The following FANCC variants were observed in gnomAD, a reference collection of about 807,000 sequenced individuals.
FANCC encodes Fanconi anemia group C protein.
In FANCC, 55 loss-of-function variants were observed where a neutral mutation model predicts 71.3. The observed-to-expected ratio is 0.77, with a 90% CI of 0.62 to 0.97. FANCC has a LOEUF of 0.97. FANCC is among the 50% of genes least tolerant of loss of function. The pLI, the probability that FANCC is intolerant of heterozygous loss-of-function variation, is 0.00. For missense variants in FANCC, 678 were observed against 670.9 expected (o/e 1.01, Z -0.12); for synonymous variants, 275 against 244.9 (o/e 1.12, Z -1.15).
At chr9:95,133,319 G>A (rs1157659392) in intron 8 of FANCC, among the ~76,000 whole-genome samples, 2 of 152,200 alleles carry the variant, frequency 1.3e-5, no homozygotes, top group African/African-American at 2.4e-5. Flanking sequence ...GCACAGAGAG[G>A]TCACATCCTG....
At chr9:95,292,965 C>T (rs1834145001) in intron 1 of FANCC, 3 of 1,577,928 alleles carry the variant, frequency 1.9e-6, no homozygotes, top group Admixed American at 1.7e-5. Flanking sequence ...TCACATCTAC[C>T]GAACTGGCCA....
intron 1 of FANCC, among the ~76,000 whole-genome samples, chr9:95,278,199 TGA>T (rs1448981446): frequency 6.6e-6 from 1 of 152,120 alleles, no homozygotes; most frequent in African/African-American, 2.4e-5. Context: ...TTCATAACAT[TGA>T]GAGGTAATAT....
intron 6 of FANCC, among the ~76,000 whole-genome samples, chr9:95,153,591 T>G (rs1411594285): frequency 6.6e-6 from 1 of 152,230 alleles, no homozygotes; most frequent in African/African-American, 2.4e-5. Context: ...ATGTTGAGCA[T>G]TTTTTCATAT....
intron 4 of FANCC, among the ~76,000 whole-genome samples, chr9:95,236,555 C>T (rs192309571): frequency 6.6e-6 from 1 of 152,300 alleles, no homozygotes. Flanking sequence ...CACATGCTAA[C>T]ATGTCAAGTG....
chr9:95,124,004 T>C (rs1412444714), intron 10 of FANCC: 1 of 327,780 alleles, frequency 3.1e-6, no homozygotes, highest in African/African-American at 2.3e-5. Context: ...ACGCAGGGGC[T>C]GAAGTGTGAG....
At chr9:95,205,122 T>C (rs1335894497) in intron 4 of FANCC, among the ~76,000 whole-genome samples, 2 of 152,260 alleles carry the variant, frequency 1.3e-5, no homozygotes, top group Non-Finnish European at 1.5e-5. Flanking sequence ...ACAGGTATGA[T>C]TGTAAAAGGA....
intron 4 of FANCC, among the ~76,000 whole-genome samples, chr9:95,202,537 A>C (rs1827868313): frequency 6.6e-6 from 1 of 152,250 alleles, no homozygotes. Flanking sequence ...CCTTGCCATA[A>C]ATTGCCAACA....
intron 4 of FANCC, among the ~76,000 whole-genome samples, chr9:95,233,600 A>T (rs1830134473): frequency 6.6e-6 from 1 of 152,184 alleles, no homozygotes; most frequent in South Asian, 2.1e-4. Flanking sequence ...AAGATCAGGG[A>T]GTGGCCTTCA....
chr9:95,299,776 G>T (rs1834609075), intron 1 of FANCC, among the ~76,000 whole-genome samples: 1 of 152,152 alleles, frequency 6.6e-6, no homozygotes, highest in Admixed American at 6.5e-5. Flanking sequence ...TGGGAGAATT[G>T]TTTAAGCCTG....
chr9:95,243,977 T>C (rs1830786232), intron 3 of FANCC, among the ~76,000 whole-genome samples: 1 of 152,188 alleles, frequency 6.6e-6, no homozygotes, highest in African/African-American at 2.4e-5. Context: ...CTGAAATTTA[T>C]GAGCAGTTCA....
chr9:95,302,981 T>A lies in FANCC; in HGVS notation c.-79+14545A>T, dbSNP rs79458924. ...AAGATGTCCACTACAAATTCTAGTA[T>A]TCCTAAGTATGTCTTGAACCTAAAA... is the stretch of plus-strand genomic sequence containing the variant. On this transcript the variant is annotated intron_variant, in intron 1 of 14. Coordinates refer to ENST00000289081, the MANE Select transcript of FANCC (RefSeq NM_000136.3). Among the ~76,000 whole-genome samples, 1,333 of 152,300 alleles carry A rather than the reference T, an allele frequency of 8.8e-3. 23 individuals carry two copies. Among genetic ancestry groups the A allele is most frequent in the African/African-American group, 0.031 (1,268 of 41,550 alleles).
chr9:95,152,682 T>A (rs184633002), intron 6 of FANCC, among the ~76,000 whole-genome samples: 5 of 152,332 alleles, frequency 3.3e-5, no homozygotes, highest in Admixed American at 3.3e-4. Context: ...AGTAGTTTTT[T>A]GTTACATGGA....
intron 11 of FANCC, 143 bp downstream of exon 11, chr9:95,117,172 A>G (rs2072485951): frequency 1.3e-6 from 1 of 756,604 alleles, no homozygotes; most frequent in East Asian, 2.7e-5. Context: ...AGAATGTGGG[A>G]TCCTGGGGGC....
intron 8 of FANCC, chr9:95,127,513 T>G (rs1826180808): frequency 6.6e-6 from 1 of 152,116 alleles, no homozygotes; most frequent in African/African-American, 2.4e-5. Flanking sequence ...TCTGGTTCCG[T>G]GGGAAGCGAA....
chr9:95,136,515 C>G (rs772210064), intron 7 of FANCC, among the ~76,000 whole-genome samples: 1 of 151,908 alleles, frequency 6.6e-6, no homozygotes, highest in African/African-American at 2.4e-5. Context: ...GATGCAAAGT[C>G]GTGCTCTCTC....
intron 1 of FANCC, among the ~76,000 whole-genome samples, chr9:95,253,089 C>T (rs897777603): frequency 6.6e-6 from 1 of 152,152 alleles, no homozygotes; most frequent in Middle Eastern, 3.4e-3. Context: ...AAACAACCTT[C>T]GCTCAGCAAT....
At chr9:95,126,625 C>A (rs765590139) in intron 8 of FANCC, 44 bp from the exon 9 acceptor site, 34 of 1,599,146 alleles carry the variant, frequency 2.1e-5, no homozygotes, top group Non-Finnish European at 2.7e-5. Context: ...ATCACAAGCA[C>A]TTTCTCAGAA....
chr9:95,198,681 A>C lies in FANCC; in HGVS notation c.346-26534T>G, dbSNP rs117886105. Reference sequence around the variant, plus strand: ...TCCGTTCATGATGTCTCCCAGTCTCATAAGACCCAAGTATTTACACTGGAA... The same window carrying C: ...TCCGTTCATGATGTCTCCCAGTCTCCTAAGACCCAAGTATTTACACTGGAA... On this transcript the variant is annotated intron_variant, in intron 4 of 14. Coordinates refer to ENST00000289081, the MANE Select transcript of FANCC (RefSeq NM_000136.3). 7.2e-4 allele frequency among the ~76,000 whole-genome samples: 109 copies of C among 152,310 alleles called. No homozygotes were observed. In the East Asian group the frequency reaches 0.018, roughly 26 times the overall value.
intron 4 of FANCC, among the ~76,000 whole-genome samples, chr9:95,205,029 A>G (rs553528035): frequency 6.6e-6 from 1 of 152,236 alleles, no homozygotes; most frequent in Non-Finnish European, 1.5e-5. Flanking sequence ...CTTTATCACA[A>G]ATGAAAATGA....
Sources: allele counts gnomAD v4.1 joint callset (sites outside exome capture counted in the v4.1 genomes callset), GRCh38; gene constraint gnomAD v4.1.1; transcripts MANE v1.5; gene names NCBI Gene and HGNC (gene_info 2026-07-23, HGNC 2026-07-21).